MLLT1: variants seen among roughly 807,000 people sequenced by gnomAD.
The protein encoded by MLLT1 is MLLT1 super elongation complex subunit.
A neutral mutation model predicts 55.1 loss-of-function variants in MLLT1; 11 were observed. That is an observed-to-expected ratio of 0.20 (90% confidence interval 0.13 to 0.33). The LOEUF (loss-of-function observed/expected upper bound fraction) is 0.33, where lower values mean the gene tolerates loss of function less well. Ranked by LOEUF, MLLT1 falls within the 10% of genes least tolerant of loss-of-function variation. The pLI, the probability that MLLT1 is intolerant of heterozygous loss-of-function variation, is 1.00. For missense variants in MLLT1, 536 were observed against 760.6 expected (o/e 0.70, Z 3.47); for synonymous variants, 323 against 320.1 (o/e 1.01, Z -0.10).
chr19:6,274,797 A>G (rs2091419650), intron 1 of MLLT1, among the ~76,000 whole-genome samples: 1 of 152,206 alleles, frequency 6.6e-6, no homozygotes, highest in Non-Finnish European at 1.5e-5. Context: ...TCTGAAAGAC[A>G]GCGGACGGAG....
At chr19:6,213,491 G>T in intron 10 of MLLT1, 83 bp from the exon 11 acceptor site, 1 of 1,249,988 alleles carries the variant, frequency 8.0e-7, no homozygotes, top group Non-Finnish European at 1.2e-6. Context: ...CCATGACCCA[G>T]TCCATCCCAG....
chr19:6,217,666 C>G (rs1175183527), intron 7 of MLLT1, among the ~76,000 whole-genome samples: 6 of 152,168 alleles, frequency 3.9e-5, no homozygotes, highest in Admixed American at 2.0e-4. Flanking sequence ...AGAGTTCTGG[C>G]CATGGGCAGG....
chr19:6,226,874 C>T lies in MLLT1; in HGVS notation c.546+103G>A. ...AAGAGGAAGACGCCAAGGGAGCGAGCAGGTGCGGAAGGCCCAGCCCAGTGG... is the reference window on the plus strand; with the variant it reads ...AAGAGGAAGACGCCAAGGGAGCGAGTAGGTGCGGAAGGCCCAGCCCAGTGG... On this transcript the variant is annotated intron_variant, in intron 5 of 11. Coordinates refer to ENST00000252674, the MANE Select transcript of MLLT1 (RefSeq NM_005934.4). This position sits in a 1 kb window ranked among gnomAD's most constrained non-coding sequence, Gnocchi z 6.3. 1 of 919,142 alleles carries T rather than the reference C, an allele frequency of 1.1e-6. No homozygotes were observed. Among genetic ancestry groups the T allele is most frequent in the Non-Finnish European group, 1.5e-6 (1 of 649,466 alleles). 56.9% of individuals were successfully genotyped at this position (919,142 alleles called of 1,614,324 possible).
rs2090774901 is a variant in MLLT1 at position 6,211,790 on chromosome 19, T to C, written c.*1252A>G. The C allele has an allele frequency of 9.4e-7, 1 of 1,063,498 alleles. No homozygotes were observed. Among genetic ancestry groups the C allele is most frequent in the East Asian group, 5.0e-5 (1 of 19,928 alleles). The allele number at this position is 1,063,498 out of a possible 1,614,324, so 65.9% of individuals were successfully genotyped here. ...TGGCTCCGCGGGAGCGTCCTGGCCC[T>C]GGAAGAGTGGGCCGGGAAGGAGGAC... is the stretch of plus-strand genomic sequence containing the variant. On this transcript the variant is annotated 3_prime_UTR_variant, in exon 12 of 12. Transcript: ENST00000252674. This position sits in a 1 kb window ranked among gnomAD's most constrained non-coding sequence, Gnocchi z 4.6.
chr19:6,217,906 G>A (rs766865942), intron 7 of MLLT1, 48 bp downstream of exon 7: 2 of 1,556,406 alleles, frequency 1.3e-6, no homozygotes, highest in South Asian at 2.4e-5. Context: ...CTGAGCTCCA[G>A]GCCCTCCCCG....
Position 6,212,254 on chromosome 19 carries a change from C to G in MLLT1, c.*788G>C, listed in dbSNP as rs1247179792. Reference sequence around the variant, plus strand: ...GCTGCCCTTTGTAGTGTTGGCTGACCCCCCCGGGAGCCCCGGTAGGAGGCG... The same window carrying G: ...GCTGCCCTTTGTAGTGTTGGCTGACGCCCCCGGGAGCCCCGGTAGGAGGCG... On this transcript the variant is annotated 3_prime_UTR_variant, in exon 12 of 12. Coordinates refer to ENST00000252674, the MANE Select transcript of MLLT1 (RefSeq NM_005934.4). The G allele has an allele frequency of 1.2e-5, 13 of 1,065,018 alleles. No individual in the cohort carries two copies. In the South Asian group the frequency reaches 3.6e-4, roughly 30 times the overall value. The allele number at this position is 1,065,018 out of a possible 1,614,324, so 66.0% of individuals were successfully genotyped here. A position where few individuals can be genotyped will look rare whatever the true frequency, so the allele number is the denominator to read the frequency against.
Position 6,211,962 on chromosome 19 carries a change from C to G in MLLT1, c.*1080G>C. The G allele has an allele frequency of 9.4e-7, 1 of 1,065,198 alleles. No individual in the cohort carries two copies. The highest frequency in any genetic ancestry group is 1.1e-6 in the Non-Finnish European group (1 of 878,900). The allele number at this position is 1,065,198 out of a possible 1,614,324, so 66.0% of individuals were successfully genotyped here. ...GGGAGGGCCAGCCCGGCCAACCCAC[C>G]GGGCCTGCTGATGGCCGAGCCCACG... On this transcript the variant is annotated 3_prime_UTR_variant, in exon 12 of 12. Coordinates refer to ENST00000252674, the MANE Select transcript of MLLT1 (RefSeq NM_005934.4). The surrounding 1 kb of genome is among the most constrained non-coding windows in gnomAD (Gnocchi z 4.6).
Position 6,226,911 on chromosome 19 carries a change from C to A in MLLT1, c.546+66G>T. On this transcript the variant is annotated intron_variant, in intron 5 of 11. Transcript: ENST00000252674. This position sits in a 1 kb window ranked among gnomAD's most constrained non-coding sequence, Gnocchi z 6.3. Reference sequence around the variant, plus strand: ...GCCCAGCCCAGTGGAGGGAGGGCGCCGGGGCCAGACCCACCACAGCTGGGC... The same window carrying A: ...GCCCAGCCCAGTGGAGGGAGGGCGCAGGGGCCAGACCCACCACAGCTGGGC... 7.1e-7 allele frequency: 1 copy of A among 1,408,104 alleles called. No homozygotes were observed. Among genetic ancestry groups the A allele is most frequent in the Non-Finnish European group, 9.3e-7 (1 of 1,074,540 alleles). The allele number at this position is 1,408,104 out of a possible 1,614,324, so 87.2% of individuals were successfully genotyped here.
At chr19:6,257,054 T>C (rs1283504900) in intron 3 of MLLT1, among the ~76,000 whole-genome samples, 36 of 152,322 alleles carry the variant, frequency 2.4e-4, no homozygotes. Flanking sequence ...ACTCTCTACG[T>C]ATAAGGACTA....
chr19:6,254,422 A>C (rs867732654), intron 3 of MLLT1, among the ~76,000 whole-genome samples: 2 of 152,244 alleles, frequency 1.3e-5, no homozygotes, highest in Admixed American at 6.5e-5. Flanking sequence ...ACTGTTGAAC[A>C]TAAGGAGGGG....
In MLLT1 at chr19:6,256,127, G is replaced by A. The variant is rs550520602; in HGVS notation, c.276+6101C>T. 8.7e-4 allele frequency among the ~76,000 whole-genome samples: 133 copies of A among 152,096 alleles called. No individual in the cohort carries two copies. The highest frequency in any genetic ancestry group is 1.5e-3 in the Admixed American group (23 of 15,274). On this transcript the variant is annotated intron_variant, in intron 3 of 11. Coordinates refer to ENST00000252674, the MANE Select transcript of MLLT1 (RefSeq NM_005934.4). This position sits in a 1 kb window ranked among gnomAD's most constrained non-coding sequence, Gnocchi z 4.1. ...AGCTATTCAGGAGGCTGAGGCAGGAGAATCGCTTGAACCTGGGAGGCAGAG... is the reference window on the plus strand; with the variant it reads ...AGCTATTCAGGAGGCTGAGGCAGGAAAATCGCTTGAACCTGGGAGGCAGAG...
chr19:6,234,427 A>G (rs1338348284), intron 3 of MLLT1, among the ~76,000 whole-genome samples: 3 of 152,194 alleles, frequency 2.0e-5, no homozygotes, highest in Non-Finnish European at 2.9e-5. Flanking sequence ...GGCTGGCTGG[A>G]ACCTGGCAGA....
intron 5 of MLLT1, among the ~76,000 whole-genome samples, chr19:6,225,594 C>T (rs1255691847): frequency 6.6e-6 from 1 of 152,232 alleles, no homozygotes; most frequent in East Asian, 1.9e-4. Flanking sequence ...ATGCTCCCCA[C>T]AGATGCCGCC....
intron 1 of MLLT1, among the ~76,000 whole-genome samples, chr19:6,275,640 T>C (rs2091423921): frequency 6.6e-6 from 1 of 152,160 alleles, no homozygotes; most frequent in African/African-American, 2.4e-5. Flanking sequence ...GTCCCCTGAC[T>C]GCTGGCACAC....
intron 1 of MLLT1, among the ~76,000 whole-genome samples, chr19:6,277,114 C>T (rs530554894): frequency 3.9e-5 from 6 of 152,332 alleles, no homozygotes; most frequent in Admixed American, 1.3e-4. Context: ...TTTCCCTGTG[C>T]CAAGAGTCCC....
chr19:6,218,987 C>T (rs958660990), intron 6 of MLLT1, among the ~76,000 whole-genome samples: 1 of 152,190 alleles, frequency 6.6e-6, no homozygotes, highest in Non-Finnish European at 1.5e-5. Flanking sequence ...GGCAGCTGGT[C>T]TGCTGGATTC....
At chr19:6,264,799 G>A (rs2091333057) in intron 2 of MLLT1, among the ~76,000 whole-genome samples, 1 of 150,416 alleles carries the variant, frequency 6.6e-6, no homozygotes, top group Non-Finnish European at 1.5e-5. Context: ...GGAGGCTGAG[G>A]CACGAGAATC....
At chr19:6,214,194 A>T (rs1218801160) in intron 8 of MLLT1, among the ~76,000 whole-genome samples, 156 bp from the exon 9 acceptor site, 1 of 152,032 alleles carries the variant, frequency 6.6e-6, no homozygotes. Flanking sequence ...CAACTTAAAA[A>T]TACTGTGTGT....
rs1324141949 is a variant in MLLT1, at chr19:6,222,637, G to C, written c.594C>G (p.Thr198=). The part of the protein sequence containing the change: ...SSKTSKPHKV[T]KEHRERPRKD... ...TGCGGGGCCGCTCCCGGTGCTCCTTGGTCACCTTGTGTGGCTTGGAGGTCT... is the reference window on the plus strand; with the variant it reads ...TGCGGGGCCGCTCCCGGTGCTCCTTCGTCACCTTGTGTGGCTTGGAGGTCT... The change falls in exon 6 of 12, where the codon ACC becomes ACG. Residue 198 remains threonine, a synonymous_variant. Transcript: ENST00000252674. The surrounding 1 kb of genome is among the most constrained non-coding windows in gnomAD (Gnocchi z 4.1). The C allele has an allele frequency of 6.3e-7, 1 of 1,583,370 alleles. No homozygotes were observed. The highest frequency in any genetic ancestry group is 1.3e-5 in the African/African-American group (1 of 74,116).
Sources: gnomAD v4.1 joint callset for allele counts (sites outside exome capture counted in the v4.1 genomes callset) on GRCh38, gnomAD v4.1.1 for gene constraint, Gnocchi (gnomAD v3.1) non-coding constraint, MANE v1.5 for transcripts, NCBI Gene and HGNC (gene_info 2026-07-23, HGNC 2026-07-21) for gene names.